The following CRPPA variants were observed in gnomAD, a reference collection of about 807,000 sequenced individuals.
The protein encoded by CRPPA is D-ribitol-5-phosphate cytidylyltransferase.
Under a neutral mutation model 52.0 loss-of-function variants are expected in CRPPA, and 43 were observed. The ratio of observed to expected loss-of-function variants is 0.83; its 90% CI spans 0.65 to 1.07. The LOEUF is 1.07. Among genes scored for constraint, CRPPA ranks in the 50% least tolerant of loss-of-function variants. The pLI is 0.00. For synonymous variants in CRPPA, 250 were observed against 203.5 expected (o/e 1.23, Z -1.94); for missense variants, 629 against 551.7 (o/e 1.14, Z -1.40).
At chr7:16,307,804 G>A (rs1562622018) in intron 4 of CRPPA, among the ~76,000 whole-genome samples, 2 of 151,348 alleles carry the variant, frequency 1.3e-5, no homozygotes, top group Non-Finnish European at 2.9e-5. Context: ...CACTGGGTTG[G>A]AACTGTTGCA....
At chr7:16,104,264 G>A (rs1251278832) in intron 9 of CRPPA, among the ~76,000 whole-genome samples, 3 of 152,140 alleles carry the variant, frequency 2.0e-5, no homozygotes, top group African/African-American at 7.2e-5. Context: ...ATCCTAGCCT[G>A]GCAAAGCTCC....
At chr7:16,105,694 T>G (rs1380887505) in intron 9 of CRPPA, among the ~76,000 whole-genome samples, 2 of 152,074 alleles carry the variant, frequency 1.3e-5, no homozygotes, top group Admixed American at 1.3e-4. Context: ...TTCAGAAGCC[T>G]GATGGGATGT....
At chr7:16,151,097 G>T (rs1012669100) in intron 9 of CRPPA, among the ~76,000 whole-genome samples, 1 of 152,120 alleles carries the variant, frequency 6.6e-6, no homozygotes, top group African/African-American at 2.4e-5. Context: ...TTCTTTGTCA[G>T]AATTTTGTTA....
chr7:16,242,679 G>T (rs1484311489), intron 8 of CRPPA, among the ~76,000 whole-genome samples: 1 of 152,108 alleles, frequency 6.6e-6, no homozygotes, highest in Non-Finnish European at 1.5e-5. Flanking sequence ...TTTTACAAAA[G>T]AAAGTGCTGG....
chr7:16,234,347 TTAAAA>T (rs1286893903), intron 8 of CRPPA, among the ~76,000 whole-genome samples: 18 of 151,992 alleles, frequency 1.2e-4, no homozygotes, highest in Non-Finnish European at 1.5e-5. Context: ...AGAAAACAAT[TTAAAA>T]TAAGACATAA....
At chr7:16,181,373 A>T (rs1381776914) in intron 9 of CRPPA, among the ~76,000 whole-genome samples, 2 of 151,976 alleles carry the variant, frequency 1.3e-5, no homozygotes, top group African/African-American at 2.4e-5. Flanking sequence ...ATAAGATTAG[A>T]ATCTGTTTTA....
chr7:16,203,676 C>A (rs1443352125), intron 9 of CRPPA, among the ~76,000 whole-genome samples: 1 of 152,042 alleles, frequency 6.6e-6, no homozygotes, highest in Admixed American at 6.6e-5. Context: ...TTGACAAAGC[C>A]TGAAGCCATT....
intron 9 of CRPPA, among the ~76,000 whole-genome samples, chr7:16,167,354 C>T (rs1781090188): frequency 1.3e-5 from 2 of 152,216 alleles, no homozygotes; most frequent in African/African-American, 4.8e-5. Context: ...AATTCATAAA[C>T]TCTGCAAAGC....
chr7:16,182,066 G>A (rs1024809345), intron 9 of CRPPA, among the ~76,000 whole-genome samples: 1 of 151,950 alleles, frequency 6.6e-6, no homozygotes, highest in South Asian at 2.1e-4. Flanking sequence ...ATTTACCAGT[G>A]AGCAATAAAT....
intron 9 of CRPPA, among the ~76,000 whole-genome samples, chr7:16,177,501 C>T (rs1308470327): frequency 6.6e-6 from 1 of 151,912 alleles, no homozygotes; most frequent in Admixed American, 6.6e-5. Flanking sequence ...CCTGGGGGGT[C>T]ATCTCCATGT....
chr7:16,390,935 C>G (rs916015490), intron 2 of CRPPA, among the ~76,000 whole-genome samples: 4 of 152,142 alleles, frequency 2.6e-5, no homozygotes, highest in Admixed American at 2.6e-4. Context: ...GGAGCCTAGT[C>G]GAAGTCAATG....
intron 9 of CRPPA, among the ~76,000 whole-genome samples, chr7:16,167,217 C>T (rs1459175472): frequency 2.6e-5 from 4 of 152,132 alleles, no homozygotes; most frequent in Non-Finnish European, 4.4e-5. Flanking sequence ...TGAGCCACCG[C>T]GCCCAGCCTT....
Position 16,230,306 on chromosome 7 carries a change from C to T in CRPPA, c.1120-14109G>A, listed in dbSNP as rs978679846. On this transcript the variant is annotated intron_variant, in intron 8 of 9. Transcript: ENST00000407010. ...TACCATAAACCCTATAACCTTTCTT[C>T]ATTCCTTTATTTCTTTCTTCTTCTA... Among the ~76,000 whole-genome samples the T allele has an allele frequency of 6.6e-5, 10 of 152,162 alleles. No homozygotes were observed. In the South Asian group the frequency reaches 2.1e-3, roughly 32 times the overall value.
intron 9 of CRPPA, among the ~76,000 whole-genome samples, chr7:16,150,069 CATT>C (rs1783048148): frequency 6.6e-6 from 1 of 151,572 alleles, no homozygotes; most frequent in Non-Finnish European, 1.5e-5. Flanking sequence ...CTCATTGAGA[CATT>C]ATGTGTACAA....
At chr7:16,409,193 G>A (rs1243934119) in intron 1 of CRPPA, among the ~76,000 whole-genome samples, 3 of 152,098 alleles carry the variant, frequency 2.0e-5, no homozygotes, top group Non-Finnish European at 4.4e-5. Context: ...TGAACCCCAT[G>A]CATGGCCAGC....
chr7:16,247,176 A>G (rs1233598153), intron 8 of CRPPA, among the ~76,000 whole-genome samples: 2 of 152,260 alleles, frequency 1.3e-5, no homozygotes, highest in Non-Finnish European at 2.9e-5. Context: ...TTTTTAAACC[A>G]CATGAATAAA....
chr7:16,263,859 A>G (rs867717841), intron 6 of CRPPA, among the ~76,000 whole-genome samples: 2 of 152,342 alleles, frequency 1.3e-5, no homozygotes, highest in Middle Eastern at 3.4e-3. Context: ...CAGTTACATG[A>G]TACATTTAAA....
At chr7:16,120,149 A>G (rs893322619) in intron 9 of CRPPA, among the ~76,000 whole-genome samples, 10 of 152,230 alleles carry the variant, frequency 6.6e-5, no homozygotes, top group South Asian at 4.1e-4. Flanking sequence ...TATTACTAAC[A>G]AAGCCCTTCT....
At chr7:16,277,720 T>C (rs79868941) in intron 6 of CRPPA, among the ~76,000 whole-genome samples, 2,474 of 152,268 alleles carry the variant, frequency 0.016, 60 homozygotes, top group African/African-American at 0.056. Flanking sequence ...TTTTCCAATA[T>C]CATGATTATT....
Sources: gnomAD v4.1 joint callset for allele counts (sites outside exome capture counted in the v4.1 genomes callset) on GRCh38, gnomAD v4.1.1 for gene constraint, MANE v1.5 for transcripts, NCBI Gene and HGNC (gene_info 2026-07-23, HGNC 2026-07-21) for gene names.